The following MECOM variants were observed in gnomAD, a reference collection of about 807,000 sequenced individuals.
MECOM encodes the protein histone-lysine N-methyltransferase MECOM.
In MECOM, 13 loss-of-function variants were observed where a neutral mutation model predicts 116.3. That is an observed-to-expected ratio of 0.11 (90% CI 0.07 to 0.18). MECOM has a LOEUF of 0.18. Ranked by LOEUF, MECOM falls within the 10% of genes least tolerant of loss-of-function variation. The probability of loss-of-function intolerance (pLI) is 1.00; values close to 1 mark genes in which losing one functional copy is unlikely to be tolerated. For synonymous variants in MECOM, 528 were observed against 535.2 expected (o/e 0.99, Z 0.19); for missense variants, 1,299 against 1,509.0 (o/e 0.86, Z 2.31).
chr3:169,542,228 C>A (rs1264063387), intron 1 of MECOM, among the ~76,000 whole-genome samples: 1 of 152,000 alleles, frequency 6.6e-6, no homozygotes, highest in Non-Finnish European at 1.5e-5. Context: ...CACTAAAGTA[C>A]TATAACTGGC....
At chr3:169,280,545 T>C (rs1452516844) in intron 2 of MECOM, among the ~76,000 whole-genome samples, 1 of 152,116 alleles carries the variant, frequency 6.6e-6, no homozygotes, top group Non-Finnish European at 1.5e-5. Flanking sequence ...GCACACTATA[T>C]TGGAAAATGT....
At chr3:169,559,199 G>T (rs1265153774) in intron 1 of MECOM, among the ~76,000 whole-genome samples, 1 of 152,116 alleles carries the variant, frequency 6.6e-6, no homozygotes, top group African/African-American at 2.4e-5. Flanking sequence ...TAGAAATAAT[G>T]TTATAAATGA....
chr3:169,459,698 C>T (rs1040549232), intron 1 of MECOM, among the ~76,000 whole-genome samples: 1 of 152,140 alleles, frequency 6.6e-6, no homozygotes, highest in African/African-American at 2.4e-5. Flanking sequence ...TCCCCTGCTC[C>T]AAATCCTACA....
intron 2 of MECOM, among the ~76,000 whole-genome samples, chr3:169,284,219 T>A (rs1425701108): frequency 6.6e-6 from 1 of 152,192 alleles, no homozygotes; most frequent in Non-Finnish European, 1.5e-5. Context: ...CACAGGGAAC[T>A]GCATTTACGA....
intron 2 of MECOM, among the ~76,000 whole-genome samples, chr3:169,182,003 T>C (rs1234584610): frequency 6.6e-6 from 1 of 152,200 alleles, no homozygotes. Flanking sequence ...TATTTTTCTA[T>C]ATCTGGAGAT....
intron 2 of MECOM, among the ~76,000 whole-genome samples, chr3:169,288,067 C>T (rs956027090): frequency 1.9e-4 from 29 of 152,120 alleles, no homozygotes; most frequent in Non-Finnish European, 2.9e-5. Flanking sequence ...CATGTCACTG[C>T]TACCTCAGTG....
At chr3:169,570,371 C>T (rs552881761) in intron 1 of MECOM, among the ~76,000 whole-genome samples, 1 of 152,036 alleles carries the variant, frequency 6.6e-6, no homozygotes, top group Non-Finnish European at 1.5e-5. Context: ...AAAAAAAGCC[C>T]AGGACCAGAC....
chr3:169,200,398 C>A (rs1748987199), intron 2 of MECOM, among the ~76,000 whole-genome samples: 1 of 152,002 alleles, frequency 6.6e-6, no homozygotes, highest in African/African-American at 2.4e-5. Context: ...TCCAAACTCA[C>A]TTTTTATTTA....
chr3:169,213,543 G>C lies in MECOM; in HGVS notation c.376-69711C>G, dbSNP rs199861034. Among the ~76,000 whole-genome samples, 3 of 151,930 alleles carry C rather than the reference G, an allele frequency of 2.0e-5. No individual in the cohort carries two copies. In the East Asian group the frequency reaches 5.8e-4, roughly 29 times the overall value. Reference sequence around the variant, plus strand: ...GTTATGGGGGCCCATTTTCAAAGAGGGACACACCTAAATAACTCCAAACAG... The same window carrying C: ...GTTATGGGGGCCCATTTTCAAAGAGCGACACACCTAAATAACTCCAAACAG... On this transcript the variant is annotated intron_variant, in intron 2 of 16. Coordinates refer to ENST00000651503, the MANE Select transcript of MECOM (RefSeq NM_004991.4).
intron 2 of MECOM, among the ~76,000 whole-genome samples, chr3:169,367,842 C>T (rs1325460105): frequency 6.6e-6 from 1 of 151,984 alleles, no homozygotes; most frequent in Non-Finnish European, 1.5e-5. Flanking sequence ...TGTCTGGTTC[C>T]TAGGCATGTA....
intron 2 of MECOM, among the ~76,000 whole-genome samples, chr3:169,148,406 G>C (rs1457064199): frequency 1.2e-5 from 1 of 85,136 alleles, no homozygotes; most frequent in Non-Finnish European, 2.7e-5. Flanking sequence ...TTGTAGAAAA[G>C]ACATTGGAAG....
intron 2 of MECOM, among the ~76,000 whole-genome samples, chr3:169,196,903 G>T (rs1748476704): frequency 6.6e-6 from 1 of 151,880 alleles, no homozygotes; most frequent in Non-Finnish European, 1.5e-5. Flanking sequence ...CAAAATCATG[G>T]AGTCAACCTA....
rs185903551 is a variant in MECOM, at chr3:169,246,416, C to T, written c.376-102584G>A. Among the ~76,000 whole-genome samples, 203 of 152,114 alleles carry T rather than the reference C, an allele frequency of 1.3e-3. 1 individual carries two copies. Among genetic ancestry groups the T allele is most frequent in the African/African-American group, 4.7e-3 (193 of 41,492 alleles). ...CCACAACTATCATGAGATCACTTTG[C>T]TAAGATGCAGTACACAAGACTATCA... On this transcript the variant is annotated intron_variant, in intron 2 of 16. Transcript: ENST00000651503.
intron 1 of MECOM, among the ~76,000 whole-genome samples, chr3:169,625,910 A>C (rs1771312335): frequency 6.6e-6 from 1 of 152,132 alleles, no homozygotes; most frequent in African/African-American, 2.4e-5. Context: ...TTCAGACCCA[A>C]CTCAGATTTA....
intron 1 of MECOM, among the ~76,000 whole-genome samples, chr3:169,600,120 T>C (rs1229342279): frequency 1.3e-5 from 2 of 152,070 alleles, no homozygotes; most frequent in Non-Finnish European, 1.5e-5. Flanking sequence ...TAGCTGTGTG[T>C]GCCACCACAC....
At chr3:169,372,710 A>T (rs1298797206) in intron 2 of MECOM, among the ~76,000 whole-genome samples, 1 of 152,018 alleles carries the variant, frequency 6.6e-6, no homozygotes, top group Non-Finnish European at 1.5e-5. Flanking sequence ...TCTTGTTAAC[A>T]TTTATTGGGT....
intron 2 of MECOM, among the ~76,000 whole-genome samples, chr3:169,196,512 A>C (rs1748426059): frequency 6.6e-6 from 1 of 152,058 alleles, no homozygotes; most frequent in Non-Finnish European, 1.5e-5. Context: ...CATATTAACT[A>C]CTTGTCTCAC....
At chr3:169,475,637 C>T (rs868140061) in intron 1 of MECOM, among the ~76,000 whole-genome samples, 21 of 151,646 alleles carry the variant, frequency 1.4e-4, no homozygotes, top group African/African-American at 5.1e-4. Context: ...AAGAAAGACG[C>T]AATCATTCCT....
chr3:169,504,248 TGGGG>T (rs1421159847), intron 1 of MECOM, among the ~76,000 whole-genome samples: 1 of 146,920 alleles, frequency 6.8e-6, no homozygotes, highest in East Asian at 2.0e-4. Context: ...TGCCATTTGG[TGGGG>T]GTGGGAATGT....
Sources: gnomAD v4.1 joint callset for allele counts (sites outside exome capture counted in the v4.1 genomes callset) on GRCh38, gnomAD v4.1.1 for gene constraint, MANE v1.5 for transcripts, NCBI Gene and HGNC (gene_info 2026-07-23, HGNC 2026-07-21) for gene names.